Variants in BBS9 observed in about 807,000 individuals in gnomAD.
The protein encoded by BBS9 is Bardet-Biedl syndrome 9.
In BBS9, 89 loss-of-function variants were observed where a neutral mutation model predicts 117.7. The ratio of observed to expected loss-of-function variants is 0.76; its 90% CI spans 0.64 to 0.90. The LOEUF is 0.90. Among genes scored for constraint, BBS9 ranks in the 40% least tolerant of loss-of-function variants. The pLI is 0.00. For missense variants in BBS9, 982 were observed against 1,042.2 expected, an observed-to-expected ratio of 0.94 and a Z score of 0.80; for synonymous variants, 379 against 370.9, an observed-to-expected ratio of 1.02 and a Z score of -0.25.
intron 11 of BBS9, among the ~76,000 whole-genome samples, chr7:33,343,058 G>C (rs1816853253): frequency 6.6e-6 from 1 of 152,088 alleles, no homozygotes; most frequent in Non-Finnish European, 1.5e-5. Flanking sequence ...GTTTCCTGTG[G>C]AGCCATAAGT....
chr7:33,140,948 C>A (rs879529350), intron 1 of BBS9, among the ~76,000 whole-genome samples: 2 of 152,250 alleles, frequency 1.3e-5, no homozygotes, highest in South Asian at 2.1e-4. Context: ...AATTTTCTTT[C>A]TTTTTTCTCC....
chr7:33,608,998 A>T (rs1026817309), downstream of BBS9, among the ~76,000 whole-genome samples: 1 of 152,132 alleles, frequency 6.6e-6, no homozygotes, highest in African/African-American at 2.4e-5. Flanking sequence ...GAGGTCTTAC[A>T]TTTAAATCTT....
At chr7:33,149,820 A>G (rs1793019091) in intron 2 of BBS9, among the ~76,000 whole-genome samples, 2 of 152,156 alleles carry the variant, frequency 1.3e-5, no homozygotes, top group African/African-American at 4.8e-5. Context: ...GTACATATAC[A>G]TTTTGTTTCA....
At chr7:33,616,479 ATGTG>A (rs199968576) in intron 21 of BBS9, among the ~76,000 whole-genome samples, 1 of 142,488 alleles carries the variant, frequency 7.0e-6, no homozygotes, top group African/African-American at 2.6e-5. Flanking sequence ...TATATAATAT[ATGTG>A]TGTGTGTGTG....
At chr7:33,335,969 A>G (rs1167956929) in intron 9 of BBS9, among the ~76,000 whole-genome samples, 3 of 152,132 alleles carry the variant, frequency 2.0e-5, no homozygotes, top group African/African-American at 4.8e-5. Flanking sequence ...TCCCACATCA[A>G]CTTCGTTGGT....
At chr7:33,392,188 A>G (rs1023326330) in intron 19 of BBS9, among the ~76,000 whole-genome samples, 7 of 152,220 alleles carry the variant, frequency 4.6e-5, no homozygotes. Flanking sequence ...TTTACTGTAT[A>G]GTAAACCATC....
At position 33,289,307 on chromosome 7, in the gene BBS9, C is replaced by G. The variant is rs1386079637; in HGVS notation, c.1016+15351C>G. On this transcript the variant is annotated intron_variant, in intron 9 of 22. Coordinates refer to ENST00000242067, the MANE Select transcript of BBS9 (RefSeq NM_198428.3). ...AGAAAGTCTCAGACATTCTGAAAAT[C>G]AACTTGAGTCTTTGGAAAACTAATG... Among the ~76,000 whole-genome samples the G allele has an allele frequency of 2.0e-5, 3 of 152,128 alleles. No homozygotes were observed. The East Asian group carries it at 5.8e-4, about 29-fold the overall frequency.
intron 19 of BBS9, among the ~76,000 whole-genome samples, chr7:33,492,891 T>G (rs1450795264): frequency 6.7e-6 from 1 of 150,230 alleles, no homozygotes. Context: ...CAGTGGAAAA[T>G]GCTTGGGCTT....
intron 5 of BBS9, among the ~76,000 whole-genome samples, chr7:33,187,140 A>G (rs984852449): frequency 1.1e-4 from 16 of 152,252 alleles, no homozygotes; most frequent in Middle Eastern, 3.2e-3. Context: ...TCAAAATAAT[A>G]TTTGGAAAAA....
chr7:33,177,307 G>C (rs1287371399), intron 4 of BBS9, among the ~76,000 whole-genome samples, 171 bp from the exon 5 acceptor site: 1 of 152,138 alleles, frequency 6.6e-6, no homozygotes, highest in Non-Finnish European at 1.5e-5. Flanking sequence ...TGTTTTAACT[G>C]TACTGGCTTT....
intron 19 of BBS9, among the ~76,000 whole-genome samples, chr7:33,480,918 AC>A (rs1283544653): frequency 6.6e-6 from 1 of 151,168 alleles, no homozygotes; most frequent in East Asian, 2.0e-4. Flanking sequence ...GCAGTTCCCC[AC>A]CCCCAGCCCC....
chr7:33,248,874 G>A (rs1795790298), intron 5 of BBS9, among the ~76,000 whole-genome samples: 1 of 152,054 alleles, frequency 6.6e-6, no homozygotes, highest in African/African-American at 2.4e-5. Flanking sequence ...TTTTTTGTGT[G>A]TTTTTCAGAC....
intron 10 of BBS9, among the ~76,000 whole-genome samples, chr7:33,338,390 A>G (rs2128630595): frequency 6.6e-6 from 1 of 152,296 alleles, no homozygotes; most frequent in Non-Finnish European, 1.5e-5. Context: ...TCTCTTTATT[A>G]TGAGAAGTTA....
intron 21 of BBS9, among the ~76,000 whole-genome samples, chr7:33,567,352 G>A (rs994330631): frequency 6.6e-6 from 1 of 152,088 alleles, no homozygotes; most frequent in Admixed American, 6.6e-5. Flanking sequence ...TTGCTATTTT[G>A]TTCTCCTACT....
intron 9 of BBS9, among the ~76,000 whole-genome samples, chr7:33,312,270 G>A (rs1370507306): frequency 7.2e-5 from 11 of 152,136 alleles, no homozygotes; most frequent in Non-Finnish European, 1.0e-4. Context: ...AGCACATAGC[G>A]TCTTGTGTTA....
chr7:33,348,043 G>A (rs779744456), intron 12 of BBS9, among the ~76,000 whole-genome samples: 7 of 152,002 alleles, frequency 4.6e-5, no homozygotes, highest in Non-Finnish European at 8.8e-5. Context: ...GTTACAATCC[G>A]ATGACTTTTA....
intron 5 of BBS9, among the ~76,000 whole-genome samples, chr7:33,238,307 T>G (rs1176818018): frequency 2.0e-5 from 3 of 152,136 alleles, no homozygotes; most frequent in Non-Finnish European, 4.4e-5. Flanking sequence ...TTTTTTTTTT[T>G]GAGACGGAGT....
At chr7:33,473,820 A>G (rs1056421808) in intron 19 of BBS9, among the ~76,000 whole-genome samples, 1 of 152,142 alleles carries the variant, frequency 6.6e-6, no homozygotes, top group Non-Finnish European at 1.5e-5. Context: ...CTCTGTGTAT[A>G]TTTATCACTT....
chr7:33,596,313 T>C (rs1862779455), intron 21 of BBS9, among the ~76,000 whole-genome samples: 1 of 150,662 alleles, frequency 6.6e-6, no homozygotes, highest in African/African-American at 2.5e-5. Context: ...TATATGTGTG[T>C]GTGACTATTG....
Sources: gnomAD v4.1 joint callset for allele counts (sites outside exome capture counted in the v4.1 genomes callset) on GRCh38, gnomAD v4.1.1 for gene constraint, MANE v1.5 for transcripts, NCBI Gene and HGNC (gene_info 2026-07-23, HGNC 2026-07-21) for gene names.